KCNQ3: variants seen among roughly 807,000 people sequenced by gnomAD.
The protein encoded by KCNQ3 is potassium voltage-gated channel subfamily KQT member 3.
In KCNQ3, 30 loss-of-function variants were observed where a neutral mutation model predicts 92.5. The ratio of observed to expected loss-of-function variants is 0.32; its 90% CI spans 0.24 to 0.44. The LOEUF (loss-of-function observed/expected upper bound fraction) is 0.44. Ranked by LOEUF, KCNQ3 falls within the 20% of genes least tolerant of loss-of-function variation. KCNQ3 has a pLI of 1.00. For synonymous variants in KCNQ3, 450 were observed against 468.8 expected, an observed-to-expected ratio of 0.96 and a Z score of 0.52; for missense variants, 913 against 1,140.3, an observed-to-expected ratio of 0.80 and a Z score of 2.87.
At chr8:132,433,622 G>C (rs1385520311) in intron 1 of KCNQ3, among the ~76,000 whole-genome samples, 1 of 152,216 alleles carries the variant, frequency 6.6e-6, no homozygotes, top group African/African-American at 2.4e-5. Flanking sequence ...GGGCACGGTG[G>C]CTCACACCTG....
At chr8:132,299,420 TATGA>T (rs1282147509) in intron 1 of KCNQ3, among the ~76,000 whole-genome samples, 2 of 152,132 alleles carry the variant, frequency 1.3e-5, no homozygotes, top group Admixed American at 1.3e-4. Flanking sequence ...TTTGTATTCA[TATGA>T]AAGCTGGATC....
intron 1 of KCNQ3, among the ~76,000 whole-genome samples, chr8:132,228,172 C>T (rs1814493795): frequency 6.6e-6 from 1 of 152,114 alleles, no homozygotes; most frequent in South Asian, 2.1e-4. Flanking sequence ...AGTTTTGCCT[C>T]TGGGTAAACT....
rs143664009 is a variant in KCNQ3 at position 132,141,203 on chromosome 8, A to G, written c.1391T>C (p.Val464Ala). The change falls in exon 10 of 15, where the codon GTT becomes GCT. Residue 464 changes from valine to alanine, a missense_variant. Val to Ala is a moderately conservative substitution (Grantham distance 64). Around this residue, in one of 6 missense-constraint regions of KCNQ3, gnomAD observed 182 missense variants for 234.5 expected, o/e 0.78. Coordinates refer to ENST00000388996, the MANE Select transcript of KCNQ3 (RefSeq NM_004519.4). ...GAAACGCTCTTTATTGTTTAAGCCAACAGGCTTTGGTTCTTTAGAAGGACT... is the reference window on the plus strand; with the variant it reads ...GAAACGCTCTTTATTGTTTAAGCCAGCAGGCTTTGGTTCTTTAGAAGGACT... ...EESPSKEPKP[V>A]GLNNKERFRT... 1.8e-4 allele frequency: 289 copies of G among 1,614,084 alleles called. 1 individual carries two copies. The highest frequency in any genetic ancestry group is 2.3e-4 in the Non-Finnish European group (277 of 1,180,040).
In KCNQ3 at chr8:132,129,847, G is replaced by T; in HGVS notation, c.2034C>A (p.Ser678=). 6.2e-7 allele frequency: 1 copy of T among 1,614,114 alleles called. No homozygotes were observed. The highest frequency in any genetic ancestry group is 8.5e-7 in the Non-Finnish European group (1 of 1,180,022). The change falls in exon 15 of 15, where the codon TCC becomes TCA. Residue 678 remains serine, a synonymous_variant. Coordinates refer to ENST00000388996, the MANE Select transcript of KCNQ3 (RefSeq NM_004519.4). The surrounding 1 kb of genome is among the most constrained non-coding windows in gnomAD (Gnocchi z 5.9). ...EAEKKEDNRY[S]DLKTIICNYS... ...AGTTGCAGATGATGGTTTTCAAATC[G>T]GAATACCTGTTGTCCTCCTTCTTCT...
intron 8 of KCNQ3, among the ~76,000 whole-genome samples, chr8:132,167,835 T>G (rs2130096714): frequency 6.6e-6 from 1 of 152,336 alleles, no homozygotes; most frequent in South Asian, 2.1e-4. Flanking sequence ...CACCTTGGGA[T>G]GCATACCAAA....
At chr8:132,382,987 T>C (rs530336318) in intron 1 of KCNQ3, among the ~76,000 whole-genome samples, 2 of 152,194 alleles carry the variant, frequency 1.3e-5, no homozygotes, top group African/African-American at 4.8e-5. Context: ...AGTCTCTACA[T>C]TGTCAGACCT....
intron 1 of KCNQ3, among the ~76,000 whole-genome samples, chr8:132,250,662 A>G (rs879294813): frequency 6.6e-6 from 1 of 152,098 alleles, no homozygotes; most frequent in Non-Finnish European, 1.5e-5. Context: ...TCTGTGGACC[A>G]TTTCTCTATT....
chr8:132,220,181 A>C (rs991184684), intron 1 of KCNQ3, among the ~76,000 whole-genome samples: 3 of 152,154 alleles, frequency 2.0e-5, no homozygotes, highest in African/African-American at 7.2e-5. Context: ...CCAAGAATAA[A>C]GAAAGGCATG....
chr8:132,279,993 T>C (rs531192566), intron 1 of KCNQ3, among the ~76,000 whole-genome samples: 1 of 152,300 alleles, frequency 6.6e-6, no homozygotes, highest in South Asian at 2.1e-4. Flanking sequence ...CAATTGTTTA[T>C]TCAGCATAAT....
intron 1 of KCNQ3, among the ~76,000 whole-genome samples, chr8:132,327,690 A>T (rs566065272): frequency 6.6e-6 from 1 of 152,290 alleles, no homozygotes; most frequent in African/African-American, 2.4e-5. Flanking sequence ...GCTGGGCTCC[A>T]TGGGCCTCAT....
intron 1 of KCNQ3, among the ~76,000 whole-genome samples, chr8:132,368,441 C>T (rs948968326): frequency 1.4e-4 from 21 of 152,056 alleles, no homozygotes; most frequent in African/African-American, 5.1e-4. Flanking sequence ...TCACTTGAGT[C>T]CAGGAGTTTG....
intron 1 of KCNQ3, among the ~76,000 whole-genome samples, chr8:132,424,278 C>T (rs888454348): frequency 1.3e-5 from 2 of 152,122 alleles, no homozygotes; most frequent in African/African-American, 2.4e-5. Context: ...GCCCTTCCTC[C>T]CTCTGTCTCA....
intron 1 of KCNQ3, among the ~76,000 whole-genome samples, chr8:132,195,105 C>A (rs1462000846): frequency 6.6e-6 from 1 of 152,066 alleles, no homozygotes; most frequent in Admixed American, 6.5e-5. Context: ...ATGTGTTCAT[C>A]TTCTCTTTTG....
intron 1 of KCNQ3, among the ~76,000 whole-genome samples, chr8:132,356,790 G>T (rs1819030528): frequency 6.6e-6 from 1 of 152,212 alleles, no homozygotes; most frequent in Admixed American, 6.5e-5. Flanking sequence ...TTTGTTGAGT[G>T]ATGGCCCAGG....
chr8:132,346,939 C>T (rs1818705782), intron 1 of KCNQ3, among the ~76,000 whole-genome samples: 1 of 152,154 alleles, frequency 6.6e-6, no homozygotes, highest in Non-Finnish European at 1.5e-5. Flanking sequence ...ATAGACTAGG[C>T]TAAAGTGGAG....
intron 1 of KCNQ3, among the ~76,000 whole-genome samples, chr8:132,206,538 A>G (rs1464072952): frequency 6.6e-6 from 1 of 152,228 alleles, no homozygotes; most frequent in East Asian, 1.9e-4. Context: ...GAGGTTTACA[A>G]AATTGCACTG....
In KCNQ3 at chr8:132,162,396, T is replaced by A. The variant is rs1826018713; in HGVS notation, c.1262+1072A>T. On this transcript the variant is annotated intron_variant, in intron 9 of 14. Coordinates refer to ENST00000388996, the MANE Select transcript of KCNQ3 (RefSeq NM_004519.4). Reference sequence around the variant, plus strand: ...GTTGGGAGTCTTGAGACCTTGATCATCTACTCCTGGTGCTTATGGGGTGTG... The same window carrying A: ...GTTGGGAGTCTTGAGACCTTGATCAACTACTCCTGGTGCTTATGGGGTGTG... Among the ~76,000 whole-genome samples the A allele has an allele frequency of 3.3e-5, 5 of 152,156 alleles. No individual in the cohort carries two copies. In the South Asian group the frequency reaches 1.0e-3, roughly 32 times the overall value.
At chr8:132,441,516 T>C (rs966448908) in intron 1 of KCNQ3, among the ~76,000 whole-genome samples, 2 of 152,052 alleles carry the variant, frequency 1.3e-5, no homozygotes, top group Non-Finnish European at 2.9e-5. Context: ...ATCGCACCAC[T>C]GCACTCCAGC....
rs1824470771 is a variant in KCNQ3, at chr8:132,121,603, C to T, written c.*7659G>A. 1 of 152,160 alleles carries T rather than the reference C, an allele frequency of 6.6e-6. No homozygotes were observed. Among genetic ancestry groups the T allele is most frequent in the Non-Finnish European group, 1.5e-5 (1 of 68,044 alleles). 9.4% of individuals were successfully genotyped at this position (152,160 alleles called of 1,614,324 possible). A position where few individuals can be genotyped will look rare whatever the true frequency, so the allele number is the denominator to read the frequency against. On this transcript the variant is annotated 3_prime_UTR_variant, in exon 15 of 15. Coordinates refer to ENST00000388996, the MANE Select transcript of KCNQ3 (RefSeq NM_004519.4). ...GATCAGGTTGGCTTCCATGGGAAACCTTGATCTTTTAATACTGAGAAAGAG... is the reference window on the plus strand; with the variant it reads ...GATCAGGTTGGCTTCCATGGGAAACTTTGATCTTTTAATACTGAGAAAGAG...
Sources: allele counts gnomAD v4.1 joint callset (sites outside exome capture counted in the v4.1 genomes callset), GRCh38; gene constraint gnomAD v4.1.1; regional missense constraint gnomAD v4.1.1; non-coding constraint Gnocchi (gnomAD v3.1); transcripts MANE v1.5; gene names NCBI Gene and HGNC (gene_info 2026-07-23, HGNC 2026-07-21).